PGCKA1: variants seen among roughly 807,000 people sequenced by gnomAD.
PGCKA1 encodes the protein PDCD10 and GCKIII kinases associated 1.
At chr4:37,518,698 A>G in the PGCKA1 span, among the ~76,000 whole-genome samples, 2 of 152,126 alleles carry the variant, frequency 1.3e-5, no homozygotes, top group African/African-American at 2.4e-5. Flanking sequence ...TAGTTTGCAA[A>G]TATTTTCTCC....
At chr4:37,508,887 G>A in the PGCKA1 span, among the ~76,000 whole-genome samples, 4 of 146,940 alleles carry the variant, frequency 2.7e-5, no homozygotes, top group Middle Eastern at 3.5e-3. Flanking sequence ...GACTCTTAAG[G>A]AGCATGCTGC....
chr4:37,570,696 T>C, the PGCKA1 span, among the ~76,000 whole-genome samples: 1 of 152,244 alleles, frequency 6.6e-6, no homozygotes, highest in Non-Finnish European at 1.5e-5. Context: ...ATTAGCAAAT[T>C]GTTGGAAATT....
At chr4:37,484,381 G>C in the PGCKA1 span, among the ~76,000 whole-genome samples, 1 of 152,178 alleles carries the variant, frequency 6.6e-6, no homozygotes, top group East Asian at 1.9e-4. Flanking sequence ...ACTACCACGA[G>C]AACAGTATTG....
the PGCKA1 span, among the ~76,000 whole-genome samples, chr4:37,484,278 A>G: frequency 6.6e-6 from 1 of 152,150 alleles, no homozygotes; most frequent in East Asian, 1.9e-4. Context: ...AGAAGGTGAA[A>G]GGCACATCTT....
the PGCKA1 span, among the ~76,000 whole-genome samples, chr4:37,538,866 G>T: frequency 6.6e-6 from 1 of 152,214 alleles, no homozygotes; most frequent in Non-Finnish European, 1.5e-5. Flanking sequence ...AGTCAGCACT[G>T]TAGACACTGA....
At chr4:37,576,698 T>A in the PGCKA1 span, among the ~76,000 whole-genome samples, 12 of 152,182 alleles carry the variant, frequency 7.9e-5, no homozygotes, top group African/African-American at 2.9e-4. Flanking sequence ...CCATTCAGTA[T>A]GATACTAGCT....
the PGCKA1 span, among the ~76,000 whole-genome samples, chr4:37,513,593 A>G: frequency 6.6e-6 from 1 of 152,180 alleles, no homozygotes; most frequent in Non-Finnish European, 1.5e-5. Context: ...CCCATCTCCA[A>G]ATACAGCCAT....
At chr4:37,492,123 C>A in the PGCKA1 span, among the ~76,000 whole-genome samples, 1 of 151,618 alleles carries the variant, frequency 6.6e-6, no homozygotes, top group Non-Finnish European at 1.5e-5. This position sits in a 1 kb window ranked among gnomAD's most constrained non-coding sequence, Gnocchi z 4.7. Flanking sequence ...TTCACTGCAA[C>A]CTCCGCCTCC....
the PGCKA1 span, among the ~76,000 whole-genome samples, chr4:37,505,675 T>G: frequency 6.6e-6 from 1 of 152,132 alleles, no homozygotes; most frequent in African/African-American, 2.4e-5. Context: ...TCAGATCTCA[T>G]GAGACTCATT....
chr4:37,563,729 A>G, the PGCKA1 span, among the ~76,000 whole-genome samples: 1 of 152,166 alleles, frequency 6.6e-6, no homozygotes, highest in Non-Finnish European at 1.5e-5. Flanking sequence ...TTACCAGACT[A>G]TATTATATAA....
chr4:37,533,153 A>T, the PGCKA1 span, among the ~76,000 whole-genome samples: 28 of 152,192 alleles, frequency 1.8e-4, no homozygotes, highest in East Asian at 3.8e-4. Flanking sequence ...ATAATTATTT[A>T]AAAAAATAGT....
chr4:37,574,316 A>T, the PGCKA1 span, among the ~76,000 whole-genome samples: 1 of 152,090 alleles, frequency 6.6e-6, no homozygotes, highest in Non-Finnish European at 1.5e-5. Context: ...TTCATATACT[A>T]CTTGTTCAGG....
At chr4:37,582,143 G>A in the PGCKA1 span, among the ~76,000 whole-genome samples, 1 of 152,160 alleles carries the variant, frequency 6.6e-6, no homozygotes. Flanking sequence ...CAAGGAATGG[G>A]CAGCGGCAGT....
At chr4:37,513,163 T>C in the PGCKA1 span, among the ~76,000 whole-genome samples, 1 of 151,842 alleles carries the variant, frequency 6.6e-6, no homozygotes, top group Non-Finnish European at 1.5e-5. Context: ...ACAGAGACTC[T>C]AAGAGATTAA....
chr4:37,545,472 C>T, the PGCKA1 span, among the ~76,000 whole-genome samples: 1 of 152,150 alleles, frequency 6.6e-6, no homozygotes, highest in East Asian at 1.9e-4. Flanking sequence ...TCTTAAAAAC[C>T]TTCCAAACTA....
the PGCKA1 span, among the ~76,000 whole-genome samples, chr4:37,508,504 C>A: frequency 6.7e-6 from 1 of 148,926 alleles, no homozygotes; most frequent in Non-Finnish European, 1.5e-5. Context: ...GACCATGATG[C>A]ATTCTTCAGT....
the PGCKA1 span, among the ~76,000 whole-genome samples, chr4:37,519,061 C>G: frequency 6.6e-6 from 1 of 152,100 alleles, no homozygotes; most frequent in Admixed American, 6.5e-5. Context: ...GCACCTTTGT[C>G]AAAAATGAGT....
the PGCKA1 span, among the ~76,000 whole-genome samples, chr4:37,535,635 A>G: frequency 0.13 from 20,477 of 152,252 alleles, 1,559 homozygotes; most frequent in Non-Finnish European, 0.18. Context: ...AAATCACCTC[A>G]TTTTGATTCC....
At chr4:37,499,159 T>A in the PGCKA1 span, among the ~76,000 whole-genome samples, 3 of 152,366 alleles carry the variant, frequency 2.0e-5, no homozygotes, top group Non-Finnish European at 2.9e-5. Context: ...CAACCTTGCA[T>A]CCCAGGGATA....
Sources: allele counts gnomAD v4.1 joint callset (sites outside exome capture counted in the v4.1 genomes callset), GRCh38; gene constraint gnomAD v4.1.1; non-coding constraint Gnocchi (gnomAD v3.1); transcripts MANE v1.5; gene names NCBI Gene and HGNC (gene_info 2026-07-23, HGNC 2026-07-21).